CACNA1D: variants seen among roughly 807,000 people sequenced by gnomAD.
CACNA1D encodes the protein calcium voltage-gated channel subunit alpha1 D, also known as voltage-dependent L-type calcium channel subunit alpha-1D.
In CACNA1D, 55 loss-of-function variants were observed where a neutral mutation model predicts 257.1. The observed-to-expected ratio is 0.21, with a 90% CI of 0.17 to 0.27. The LOEUF is 0.27. Among genes scored for constraint, CACNA1D ranks in the 10% least tolerant of loss-of-function variants. The pLI is 1.00. For synonymous variants in CACNA1D, 980 were observed against 1,014.9 expected (o/e 0.97, Z 0.65); for missense variants, 1,876 against 2,784.0 (o/e 0.67, Z 7.34).
chr3:53,779,963 A>G lies in CACNA1D; in HGVS notation c.4588-63A>G, dbSNP rs546011898. The G allele has an allele frequency of 4.0e-5, 45 of 1,137,784 alleles. No homozygotes were observed. The East Asian group carries it at 8.7e-4, about 22-fold the overall frequency. The allele number at this position is 1,137,784 out of a possible 1,614,324, so 70.5% of individuals were successfully genotyped here. On this transcript the variant is annotated intron_variant, in intron 37 of 47. Coordinates refer to ENST00000350061, the MANE Select transcript of CACNA1D (RefSeq NM_001128840.3). ...AGTGATAAACGGAAAATAAACATCC[A>G]AAAGGATATGGTCGTGGTCACTCAT...
intron 3 of CACNA1D, among the ~76,000 whole-genome samples, chr3:53,541,842 G>A (rs1272905844): frequency 6.6e-6 from 1 of 152,116 alleles, no homozygotes; most frequent in Non-Finnish European, 1.5e-5. Flanking sequence ...TTTACCATAA[G>A]TGGGTATTAC....
intron 3 of CACNA1D, among the ~76,000 whole-genome samples, chr3:53,539,963 A>G (rs760812009): frequency 6.6e-6 from 1 of 152,098 alleles, no homozygotes; most frequent in Non-Finnish European, 1.5e-5. Flanking sequence ...TTATTGATTC[A>G]TAGGCATTTT....
chr3:53,745,304 G>A (rs1477848344), intron 23 of CACNA1D, among the ~76,000 whole-genome samples: 1 of 149,064 alleles, frequency 6.7e-6, no homozygotes, highest in Non-Finnish European at 1.5e-5. Context: ...GCAGTGGTGT[G>A]ATCTCGGCTC....
At chr3:53,719,577 G>T (rs2094859513) in intron 10 of CACNA1D, among the ~76,000 whole-genome samples, 178 bp from the exon 11 acceptor site, 1 of 152,160 alleles carries the variant, frequency 6.6e-6, no homozygotes, top group African/African-American at 2.4e-5. Context: ...CTGCTCCTCT[G>T]GCCCTGGCAG....
At chr3:53,599,749 C>T (rs1178019257) in intron 3 of CACNA1D, among the ~76,000 whole-genome samples, 1 of 152,198 alleles carries the variant, frequency 6.6e-6, no homozygotes, top group Non-Finnish European at 1.5e-5. Flanking sequence ...TGAACCTCTC[C>T]TTATTCACTA....
At position 53,655,428 on chromosome 3, in the gene CACNA1D, C is replaced by A. The variant is rs527445887; in HGVS notation, c.623+4510C>A. 2.6e-5 allele frequency among the ~76,000 whole-genome samples: 4 copies of A among 152,294 alleles called. No homozygotes were observed. The South Asian group carries it at 8.3e-4, about 32-fold the overall frequency. ...ACAATGGATGAACTAGTTCACACTC[C>A]CACCAACAGTGTATAAGCATTCCCT... On this transcript the variant is annotated intron_variant, in intron 4 of 47. Transcript: ENST00000350061.
At chr3:53,620,770 A>G (rs766803753) in intron 3 of CACNA1D, among the ~76,000 whole-genome samples, 3 of 152,246 alleles carry the variant, frequency 2.0e-5, no homozygotes, top group African/African-American at 7.2e-5. Flanking sequence ...ATAAGCAGAT[A>G]TACCTGGATT....
intron 5 of CACNA1D, 76 bp from the exon 6 acceptor site, chr3:53,665,584 A>G (rs1330949764): frequency 1.8e-6 from 2 of 1,090,262 alleles, no homozygotes; most frequent in Admixed American, 1.7e-5. Flanking sequence ...TAAAGGAGGC[A>G]TGGTTAGGAA....
intron 3 of CACNA1D, among the ~76,000 whole-genome samples, chr3:53,521,771 C>A (rs1198913753): frequency 2.0e-5 from 3 of 151,824 alleles, no homozygotes; most frequent in Non-Finnish European, 4.4e-5. Context: ...AGTCACTGGC[C>A]ACATGTCATT....
intron 40 of CACNA1D, among the ~76,000 whole-genome samples, chr3:53,799,636 C>T (rs2095525958): frequency 6.6e-6 from 1 of 152,230 alleles, no homozygotes; most frequent in African/African-American, 2.4e-5. Context: ...TCCTGATGAC[C>T]ACGGTGGCCG....
intron 8 of CACNA1D, chr3:53,679,826 A>G (rs1418121028): frequency 6.6e-6 from 1 of 152,206 alleles, no homozygotes. Flanking sequence ...AATATTGTGA[A>G]TGGAGTTGAA....
At chr3:53,598,724 T>C (rs146206645) in intron 3 of CACNA1D, among the ~76,000 whole-genome samples, 2 of 152,340 alleles carry the variant, frequency 1.3e-5, no homozygotes, top group East Asian at 3.9e-4. Context: ...AAGAATTACA[T>C]AGTCAACCCC....
chr3:53,649,154 G>A (rs906978286), intron 3 of CACNA1D, among the ~76,000 whole-genome samples: 1 of 152,182 alleles, frequency 6.6e-6, no homozygotes, highest in Non-Finnish European at 1.5e-5. Flanking sequence ...GGGCAGCACA[G>A]GCAAGGCTTC....
intron 8 of CACNA1D, among the ~76,000 whole-genome samples, chr3:53,684,045 C>T (rs1233183788): frequency 6.6e-6 from 1 of 152,022 alleles, no homozygotes; most frequent in Non-Finnish European, 1.5e-5. Flanking sequence ...TGGGAAAGGG[C>T]ACATTACATA....
At chr3:53,766,767 G>A (rs1254330770) in intron 30 of CACNA1D, among the ~76,000 whole-genome samples, 1 of 152,168 alleles carries the variant, frequency 6.6e-6, no homozygotes, top group Non-Finnish European at 1.5e-5. Flanking sequence ...GTTCCCAGCT[G>A]AAGAATGTGA....
rs33970402 is a variant in CACNA1D at position 53,666,346 on chromosome 3, A to G, written c.927A>G (p.Val309=). 3.8e-3 allele frequency: 6,088 copies of G among 1,613,878 alleles called. 185 individuals carry two copies. The African/African-American group carries it at 0.068, about 18-fold the overall frequency. ...KTCFFADSDI[V]AEEDPAPCAF... is the part of the protein sequence containing the mutation. ...TGTTTGCTCTGTTTGCAGATATCGT[A>G]GCTGAAGAGGACCCAGCTCCATGTG... The change falls in exon 7 of 48, where the codon GTA becomes GTG. Residue 309 remains valine, a synonymous_variant. Transcript: ENST00000350061.
intron 3 of CACNA1D, among the ~76,000 whole-genome samples, chr3:53,515,947 T>C (rs193180676): frequency 2.0e-5 from 3 of 152,284 alleles, no homozygotes; most frequent in Admixed American, 1.3e-4. Flanking sequence ...CCTTCCACCG[T>C]ATCAGGAGAG....
Position 53,611,965 on chromosome 3 carries a change from C to T in CACNA1D, c.484-38814C>T, listed in dbSNP as rs116551395. 9.4e-3 allele frequency among the ~76,000 whole-genome samples: 1,437 copies of T among 152,292 alleles called. 31 individuals carry two copies. Among genetic ancestry groups the T allele is most frequent in the African/African-American group, 0.033 (1,368 of 41,568 alleles). On this transcript the variant is annotated intron_variant, in intron 3 of 47. Coordinates refer to ENST00000350061, the MANE Select transcript of CACNA1D (RefSeq NM_001128840.3). ...AGCTACGGTCTGGGATTAGGTCTAT[C>T]GGCCATAGTTTGCTGAACTCTGGTC... is the stretch of plus-strand genomic sequence containing the variant.
intron 37 of CACNA1D, among the ~76,000 whole-genome samples, chr3:53,778,977 C>T (rs1394524282): frequency 6.6e-6 from 1 of 152,204 alleles, no homozygotes; most frequent in East Asian, 1.9e-4. Context: ...TTGTCTTTTA[C>T]TTCCTTTAAC....
Sources: allele counts gnomAD v4.1 joint callset (sites outside exome capture counted in the v4.1 genomes callset), GRCh38; gene constraint gnomAD v4.1.1; transcripts MANE v1.5; gene names NCBI Gene and HGNC (gene_info 2026-07-23, HGNC 2026-07-21).